L3MBTL4: variants seen among roughly 807,000 people sequenced by gnomAD.
L3MBTL4 encodes the protein L3MBTL histone methyl-lysine binding protein 4, also known as lethal(3)malignant brain tumor-like protein 4.
In L3MBTL4, 70 loss-of-function variants were observed where a neutral mutation model predicts 84.5. The observed-to-expected ratio is 0.83, with a 90% confidence interval of 0.68 to 1.01. The LOEUF (loss-of-function observed/expected upper bound fraction) is 1.01. L3MBTL4 is among the 50% of genes least tolerant of loss of function. L3MBTL4 has a pLI of 0.00. For missense variants in L3MBTL4, 715 were observed against 754.8 expected (o/e 0.95, Z 0.62); for synonymous variants, 274 against 259.8 (o/e 1.05, Z -0.52).
At chr18:6,196,438 T>C (rs757447864) in intron 12 of L3MBTL4, among the ~76,000 whole-genome samples, 5 of 152,152 alleles carry the variant, frequency 3.3e-5, no homozygotes, top group Admixed American at 6.5e-5. Context: ...ATTACAGGCA[T>C]GAGCCACCGT....
At chr18:6,245,055 T>G (rs540352049) in intron 5 of L3MBTL4, among the ~76,000 whole-genome samples, 3 of 152,152 alleles carry the variant, frequency 2.0e-5, no homozygotes, top group African/African-American at 4.8e-5. Flanking sequence ...GATTACATAC[T>G]GCGCCCAGCT....
chr18:6,006,573 A>G (rs2054497420), intron 16 of L3MBTL4, among the ~76,000 whole-genome samples: 1 of 152,230 alleles, frequency 6.6e-6, no homozygotes, highest in Non-Finnish European at 1.5e-5. Flanking sequence ...ATAAGCATGA[A>G]GGAATTGCAG....
intron 1 of L3MBTL4, among the ~76,000 whole-genome samples, chr18:6,380,233 G>A (rs1049525719): frequency 6.6e-6 from 1 of 152,114 alleles, no homozygotes; most frequent in African/African-American, 2.4e-5. Context: ...CTGGCTAGCA[G>A]TCTATCTATT....
chr18:6,283,891 A>G (rs1001719575), intron 4 of L3MBTL4, among the ~76,000 whole-genome samples: 3 of 152,246 alleles, frequency 2.0e-5, no homozygotes, highest in Admixed American at 2.0e-4. Context: ...CAAATATAAA[A>G]AGAAGTCACT....
chr18:6,100,677 T>C (rs148198658), intron 14 of L3MBTL4, among the ~76,000 whole-genome samples: 121 of 152,340 alleles, frequency 7.9e-4, no homozygotes, highest in Non-Finnish European at 1.2e-3. Context: ...GTAGTTGCCA[T>C]GTGGAGGTAA....
At chr18:6,081,841 T>C (rs1216957133) in intron 15 of L3MBTL4, among the ~76,000 whole-genome samples, 4 of 152,232 alleles carry the variant, frequency 2.6e-5, no homozygotes. Context: ...CACAAGTATA[T>C]CATGGCAGAA....
At chr18:6,362,931 C>T (rs2053772186) in intron 1 of L3MBTL4, among the ~76,000 whole-genome samples, 1 of 152,224 alleles carries the variant, frequency 6.6e-6, no homozygotes. Context: ...CTTTCAGTCG[C>T]CATACTCTGA....
intron 16 of L3MBTL4, among the ~76,000 whole-genome samples, chr18:6,057,876 G>C (rs1305324590): frequency 6.6e-6 from 1 of 152,196 alleles, no homozygotes; most frequent in Non-Finnish European, 1.5e-5. Context: ...ATCAGGTATA[G>C]TTCCTAAGCC....
intron 14 of L3MBTL4, among the ~76,000 whole-genome samples, chr18:6,135,283 G>A (rs1412154994): frequency 3.9e-5 from 6 of 152,248 alleles, no homozygotes; most frequent in Middle Eastern, 3.4e-3. Context: ...AGAGGGTGCC[G>A]TAAAGGTCCC....
rs555677451 is a variant in L3MBTL4 at position 6,120,085 on chromosome 18, G to A, written c.1199+18109C>T. ...GTCTTATGGACTGTGAAACACCACT[G>A]AGGGCCTGAAACAGCACAGATGTGT... On this transcript the variant is annotated intron_variant, in intron 14 of 18. Transcript: ENST00000317931. Among the ~76,000 whole-genome samples the A allele has an allele frequency of 2.0e-5, 3 of 152,318 alleles. No homozygotes were observed. In the South Asian group the frequency reaches 6.2e-4, roughly 32 times the overall value.
intron 1 of L3MBTL4, among the ~76,000 whole-genome samples, chr18:6,352,916 A>G (rs2053265723): frequency 6.6e-6 from 1 of 152,258 alleles, no homozygotes; most frequent in Non-Finnish European, 1.5e-5. Flanking sequence ...TTGAAAGAAT[A>G]AATATCATAC....
At chr18:6,308,005 C>A (rs1483525312) in intron 3 of L3MBTL4, among the ~76,000 whole-genome samples, 2 of 152,146 alleles carry the variant, frequency 1.3e-5, no homozygotes, top group Admixed American at 6.5e-5. Context: ...CTTACATACA[C>A]ACTAGACATC....
intron 4 of L3MBTL4, among the ~76,000 whole-genome samples, chr18:6,286,073 G>A (rs990543712): frequency 7.3e-5 from 11 of 151,334 alleles, no homozygotes; most frequent in Admixed American, 3.3e-4. Context: ...CTCGTGATCC[G>A]CCCGCCTCGG....
intron 1 of L3MBTL4, among the ~76,000 whole-genome samples, chr18:6,374,184 G>C (rs1023889193): frequency 2.8e-4 from 43 of 152,242 alleles, no homozygotes; most frequent in African/African-American, 1.0e-3. Context: ...CAGTGGCTGG[G>C]TTCAAATCCA....
intron 16 of L3MBTL4, among the ~76,000 whole-genome samples, chr18:6,050,631 T>G (rs2056804086): frequency 1.3e-5 from 2 of 152,212 alleles, no homozygotes. Flanking sequence ...TGTGCTCTCA[T>G]ATTTTCTATT....
intron 5 of L3MBTL4, among the ~76,000 whole-genome samples, chr18:6,255,633 A>G (rs1436059250): frequency 6.6e-6 from 1 of 152,184 alleles, no homozygotes; most frequent in Non-Finnish European, 1.5e-5. Context: ...TCGTCTCGAT[A>G]TGCCTTGTGA....
At chr18:6,325,471 C>T (rs1391991715) in intron 1 of L3MBTL4, among the ~76,000 whole-genome samples, 1 of 152,124 alleles carries the variant, frequency 6.6e-6, no homozygotes. Context: ...AGGTGCATGC[C>T]ACCATGCCCA....
At chr18:6,324,474 G>A (rs1232319605) in intron 1 of L3MBTL4, among the ~76,000 whole-genome samples, 2 of 152,224 alleles carry the variant, frequency 1.3e-5, no homozygotes, top group African/African-American at 4.8e-5. Flanking sequence ...CATAGGAGCT[G>A]AGGCTCCTGA....
At chr18:6,050,788 A>AT (rs1394155529) in intron 16 of L3MBTL4, among the ~76,000 whole-genome samples, 1 of 152,126 alleles carries the variant, frequency 6.6e-6, no homozygotes, top group Non-Finnish European at 1.5e-5. Context: ...AAGGGGGGGA[A>AT]TTTTTTATTC....
Sources: allele counts gnomAD v4.1 joint callset (sites outside exome capture counted in the v4.1 genomes callset), GRCh38; gene constraint gnomAD v4.1.1; transcripts MANE v1.5; gene names NCBI Gene and HGNC (gene_info 2026-07-23, HGNC 2026-07-21).